Variants in DCC observed in about 807,000 individuals in gnomAD.
DCC encodes netrin receptor DCC.
Under a neutral mutation model 172.5 loss-of-function variants are expected in DCC, and 58 were observed. That is an observed-to-expected ratio of 0.34 (90% CI 0.27 to 0.42). DCC has a LOEUF of 0.42. DCC is among the 10% of genes least tolerant of loss of function. The probability of loss-of-function intolerance (pLI) is 1.00; values close to 1 mark genes in which losing one functional copy is unlikely to be tolerated. For synonymous variants in DCC, 709 were observed against 644.5 expected, an observed-to-expected ratio of 1.10 and a Z score of -1.52; for missense variants, 1,740 against 1,791.0, an observed-to-expected ratio of 0.97 and a Z score of 0.51.
At chr18:52,376,323 C>T (rs1163251260) in intron 1 of DCC, among the ~76,000 whole-genome samples, 1 of 152,140 alleles carries the variant, frequency 6.6e-6, no homozygotes, top group East Asian at 1.9e-4. Context: ...GTAATCCTGA[C>T]TCATGAAGAA....
chr18:52,772,315 C>T (rs998551981), intron 2 of DCC, among the ~76,000 whole-genome samples: 1 of 152,122 alleles, frequency 6.6e-6, no homozygotes, highest in Non-Finnish European at 1.5e-5. Flanking sequence ...AGAATAATAG[C>T]GAGAGGTTTG....
At chr18:53,386,244 A>G in intron 16 of DCC, 106 bp downstream of exon 16, 1 of 752,364 alleles carries the variant, frequency 1.3e-6, no homozygotes, top group South Asian at 1.5e-5. Flanking sequence ...ATATCCTATC[A>G]TTATCCTCTG....
chr18:53,149,718 T>C (rs2043970587), intron 7 of DCC, among the ~76,000 whole-genome samples: 1 of 152,260 alleles, frequency 6.6e-6, no homozygotes, highest in Non-Finnish European at 1.5e-5. Context: ...GTTTATCAGA[T>C]AATATTTTTC....
intron 8 of DCC, among the ~76,000 whole-genome samples, chr18:53,176,829 GTA>G (rs2055103282): frequency 6.6e-6 from 1 of 151,618 alleles, no homozygotes; most frequent in Admixed American, 6.6e-5. Flanking sequence ...CCATTACTGG[GTA>G]TATACCCAAA....
At chr18:52,856,625 C>CAAAAAAAAAAAAAAAAAAA (rs11426617) in intron 2 of DCC, among the ~76,000 whole-genome samples, 12 of 82,970 alleles carry the variant, frequency 1.4e-4, no homozygotes, top group East Asian at 4.3e-4. Context: ...GACTCCATCT[C>CAAAAAAAAAAAAAAAAAAA]AAAAAAAAAA....
In DCC at chr18:53,107,026, C is replaced by T. The variant is rs541888487; in HGVS notation, c.1261+40860C>T. On this transcript the variant is annotated intron_variant, in intron 7 of 28. Coordinates refer to ENST00000442544, the MANE Select transcript of DCC (RefSeq NM_005215.4). The stretch of plus-strand genomic sequence containing the variant: ...GGACATTTCATGAATCTGTTAAGTC[C>T]TGGGTCTGGTAAATTCTGGATCTGT... Among the ~76,000 whole-genome samples the T allele has an allele frequency of 3.3e-5, 5 of 151,938 alleles. No individual in the cohort carries two copies. In the South Asian group the frequency reaches 1.0e-3, roughly 32 times the overall value.
chr18:52,372,911 G>A (rs1376540721), intron 1 of DCC, among the ~76,000 whole-genome samples: 2 of 152,258 alleles, frequency 1.3e-5, no homozygotes, highest in Non-Finnish European at 2.9e-5. Flanking sequence ...TTTATTGTTC[G>A]AATGGAAAAT....
chr18:52,644,350 G>A (rs188272749), intron 1 of DCC, among the ~76,000 whole-genome samples: 281 of 152,242 alleles, frequency 1.8e-3, no homozygotes, highest in African/African-American at 5.4e-3. Flanking sequence ...AGGCCAAGGC[G>A]GGTGGATCAT....
At chr18:52,424,662 T>C (rs1987362590) in intron 1 of DCC, among the ~76,000 whole-genome samples, 1 of 152,092 alleles carries the variant, frequency 6.6e-6, no homozygotes, top group Admixed American at 6.6e-5. Context: ...TAGATCCTAA[T>C]TAAGAAAGTG....
At position 53,339,864 on chromosome 18, in the gene DCC, G is replaced by A. The variant is rs1371208099; in HGVS notation, c.2316G>A (p.Val772=). ...TTGGGAGCCCTTACGCTGAGACAGT[G>A]CGTGTGGACAGCAAGCAGCGATATT... ...YGVGSPYAET[V]RVDSKQRYYS... The change falls in exon 15 of 29, where the codon GTG becomes GTA. Residue 772 remains valine, a synonymous_variant. Transcript: ENST00000442544. 2.5e-6 allele frequency: 4 copies of A among 1,613,808 alleles called. No individual in the cohort carries two copies. The highest frequency in any genetic ancestry group is 1.7e-5 in the Admixed American group (1 of 59,954).
rs2034964255 is a variant in DCC at position 52,644,146 on chromosome 18, T to C, written c.92-107908T>C. Reference sequence around the variant, plus strand: ...GGATTTACTGTGTCTGTTTGGGCTGTGGTATGGGGAAAATGTGTTATACAG... The same window carrying C: ...GGATTTACTGTGTCTGTTTGGGCTGCGGTATGGGGAAAATGTGTTATACAG... On this transcript the variant is annotated intron_variant, in intron 1 of 28. Transcript: ENST00000442544. 2.0e-5 allele frequency among the ~76,000 whole-genome samples: 3 copies of C among 152,154 alleles called. No individual in the cohort carries two copies. In the South Asian group the frequency reaches 6.2e-4, roughly 32 times the overall value.
At chr18:52,750,438 T>TAA (rs2036977324) in intron 1 of DCC, among the ~76,000 whole-genome samples, 1 of 152,192 alleles carries the variant, frequency 6.6e-6, no homozygotes, top group African/African-American at 2.4e-5. Flanking sequence ...TCTGGGATCT[T>TAA]TATCAATATC....
rs5824990 is a variant in DCC, at chr18:53,148,865, C to CTTTTTTTTTT, written c.1262-8483_1262-8474dup. ...AAACTAGCTCAGAACTTCCCAATGC[C>CTTTTTTTTTT]TTTTTTTTTTTTTTTTTGGACAAAG... On this transcript the variant is annotated intron_variant, in intron 7 of 28. Coordinates refer to ENST00000442544, the MANE Select transcript of DCC (RefSeq NM_005215.4). Among the ~76,000 whole-genome samples, 47 of 109,772 alleles carry CTTTTTTTTTT rather than the reference C, an allele frequency of 4.3e-4. 3 individuals are homozygous for CTTTTTTTTTT. Among genetic ancestry groups the CTTTTTTTTTT allele is most frequent in the African/African-American group, 1.3e-3 (35 of 26,714 alleles). 72.0% of individuals were successfully genotyped at this position (109,772 alleles called of 152,430 possible). A position where few individuals can be genotyped will look rare whatever the true frequency, so the allele number is the denominator to read the frequency against.
intron 5 of DCC, among the ~76,000 whole-genome samples, chr18:52,943,103 T>G (rs2145528354): frequency 6.6e-6 from 1 of 152,316 alleles, no homozygotes; most frequent in African/African-American, 2.4e-5. Context: ...GTTTGTATCT[T>G]TTACTATATA....
chr18:53,268,001 T>G (rs1406669222), intron 12 of DCC, among the ~76,000 whole-genome samples: 1 of 152,166 alleles, frequency 6.6e-6, no homozygotes, highest in Non-Finnish European at 1.5e-5. Flanking sequence ...ACTAAAAAAT[T>G]CCCCCGTGTG....
intron 5 of DCC, among the ~76,000 whole-genome samples, chr18:53,052,731 G>T (rs547570384): frequency 1.3e-5 from 2 of 152,198 alleles, no homozygotes; most frequent in South Asian, 4.1e-4. Flanking sequence ...GGGAGAAGGG[G>T]CTGTTCTCAA....
At chr18:53,255,290 G>C (rs1423805208) in intron 12 of DCC, among the ~76,000 whole-genome samples, 1 of 150,988 alleles carries the variant, frequency 6.6e-6, no homozygotes, top group Non-Finnish European at 1.5e-5. Context: ...ATGTATACAT[G>C]TACCATGTTG....
intron 1 of DCC, among the ~76,000 whole-genome samples, chr18:52,584,320 T>C (rs911131631): frequency 3.3e-5 from 5 of 152,190 alleles, no homozygotes; most frequent in Non-Finnish European, 7.3e-5. Context: ...GGAAGACTGC[T>C]CATTGGACGA....
chr18:52,559,118 T>C (rs896022234), intron 1 of DCC, among the ~76,000 whole-genome samples: 1 of 152,198 alleles, frequency 6.6e-6, no homozygotes, highest in South Asian at 2.1e-4. Flanking sequence ...TTGTTTTGTT[T>C]TGTTTTGTTT....
Sources: gnomAD v4.1 joint callset for allele counts (sites outside exome capture counted in the v4.1 genomes callset) on GRCh38, gnomAD v4.1.1 for gene constraint, MANE v1.5 for transcripts, NCBI Gene and HGNC (gene_info 2026-07-23, HGNC 2026-07-21) for gene names.